GNA14: variants seen among roughly 807,000 people sequenced by gnomAD.
GNA14 encodes guanine nucleotide-binding protein subunit alpha-14.
In GNA14, 50 loss-of-function variants were observed where a neutral mutation model predicts 42.0. That is an observed-to-expected ratio of 1.19 (90% CI 0.95 to 1.51). GNA14 has a LOEUF of 1.51. Among genes scored for constraint, GNA14 ranks in the 40% most tolerant of loss-of-function variants. GNA14 has a pLI of 0.00. For missense variants in GNA14, 473 were observed against 446.2 expected, an observed-to-expected ratio of 1.06 and a Z score of -0.54; for synonymous variants, 173 against 163.1, an observed-to-expected ratio of 1.06 and a Z score of -0.46.
chr9:77,435,345 A>T (rs911801174), intron 2 of GNA14, among the ~76,000 whole-genome samples: 5 of 152,014 alleles, frequency 3.3e-5, no homozygotes, highest in Admixed American at 3.3e-4. Context: ...TGACAGAGCG[A>T]GACTCTGTCT....
At chr9:77,611,542 G>A (rs1823731454) in intron 1 of GNA14, among the ~76,000 whole-genome samples, 1 of 152,262 alleles carries the variant, frequency 6.6e-6, no homozygotes. Flanking sequence ...AGCCTCACTT[G>A]CAAGACACAA....
chr9:77,429,295 G>A lies in GNA14; in HGVS notation c.594-259C>T, dbSNP rs962190106. Among the ~76,000 whole-genome samples the A allele has an allele frequency of 9.2e-5, 14 of 152,234 alleles. No individual in the cohort carries two copies. In the East Asian group the frequency reaches 2.5e-3, roughly 27 times the overall value. On this transcript the variant is annotated intron_variant, in intron 4 of 6. Coordinates refer to ENST00000341700, the MANE Select transcript of GNA14 (RefSeq NM_004297.4). ...CAGAGGTGACTCAGGGAGCCTGCCG[G>A]TTAGGAAGCTAACCAGTGTCCAGAC...
intron 1 of GNA14, among the ~76,000 whole-genome samples, chr9:77,569,638 G>A (rs920775431): frequency 2.6e-5 from 4 of 152,200 alleles, no homozygotes; most frequent in African/African-American, 9.7e-5. Flanking sequence ...AAGAGCCCAG[G>A]CTATGTGGGG....
At chr9:77,646,498 G>C (rs1167330780) in intron 1 of GNA14, among the ~76,000 whole-genome samples, 1 of 152,070 alleles carries the variant, frequency 6.6e-6, no homozygotes, top group Non-Finnish European at 1.5e-5. Flanking sequence ...AAGGATAAGG[G>C]GGTTCTTCCG....
At chr9:77,634,336 T>C (rs1824144337) in intron 1 of GNA14, among the ~76,000 whole-genome samples, 1 of 149,452 alleles carries the variant, frequency 6.7e-6, no homozygotes, top group Non-Finnish European at 1.5e-5. Flanking sequence ...GAGGATCCCT[T>C]GAACCCAGAA....
intron 2 of GNA14, among the ~76,000 whole-genome samples, chr9:77,436,370 T>A (rs1298287611): frequency 6.6e-6 from 1 of 152,180 alleles, no homozygotes; most frequent in Non-Finnish European, 1.5e-5. Flanking sequence ...TTTCCAGGGG[T>A]ACCTGAATTA....
intron 1 of GNA14, among the ~76,000 whole-genome samples, chr9:77,636,279 A>G (rs1298749235): frequency 6.6e-6 from 1 of 152,224 alleles, no homozygotes; most frequent in Non-Finnish European, 1.5e-5. Flanking sequence ...ATAATAACTG[A>G]CAACTGATCA....
intron 1 of GNA14, among the ~76,000 whole-genome samples, chr9:77,613,177 C>T (rs1391841019): frequency 6.6e-6 from 1 of 152,166 alleles, no homozygotes; most frequent in Admixed American, 6.6e-5. Flanking sequence ...ACCTATTTAC[C>T]TCCTAAAGGC....
At chr9:77,627,655 C>T (rs1354628559) in intron 1 of GNA14, among the ~76,000 whole-genome samples, 1 of 152,160 alleles carries the variant, frequency 6.6e-6, no homozygotes, top group Non-Finnish European at 1.5e-5. Context: ...ACGATTATCT[C>T]AATAGATGCA....
intron 1 of GNA14, among the ~76,000 whole-genome samples, chr9:77,593,753 C>T (rs1001375638): frequency 7.2e-5 from 11 of 152,328 alleles, no homozygotes; most frequent in African/African-American, 2.2e-4. Context: ...GAATCACCAT[C>T]GCTGTCTTTC....
In GNA14 at chr9:77,519,672, G is replaced by C. The variant is rs771258419; in HGVS notation, c.309+9397C>G. Among the ~76,000 whole-genome samples, 4 of 152,066 alleles carry C rather than the reference G, an allele frequency of 2.6e-5. No homozygotes were observed. The East Asian group carries it at 5.8e-4, about 22-fold the overall frequency. ...TAGGGTGGGAGGTGGTGAGGGAGGAGAGATTACTTAATGGGTACAATGTAC... is the reference window on the plus strand; with the variant it reads ...TAGGGTGGGAGGTGGTGAGGGAGGACAGATTACTTAATGGGTACAATGTAC... On this transcript the variant is annotated intron_variant, in intron 2 of 6. Transcript: ENST00000341700.
chr9:77,507,437 GAACA>G (rs1837090043), intron 2 of GNA14, among the ~76,000 whole-genome samples: 1 of 152,084 alleles, frequency 6.6e-6, no homozygotes, highest in Non-Finnish European at 1.5e-5. Flanking sequence ...TCATTTTTAA[GAACA>G]AACATGTAGA....
rs13286378 is a variant in GNA14, at chr9:77,520,071, T to G, written c.309+8998A>C. On this transcript the variant is annotated intron_variant, in intron 2 of 6. Transcript: ENST00000341700. Reference sequence around the variant, plus strand: ...ACCACTATGCAACATAGCCATGCAATAAAACTGCATTTTCACCCCTTAAAT... The same window carrying G: ...ACCACTATGCAACATAGCCATGCAAGAAAACTGCATTTTCACCCCTTAAAT... Among the ~76,000 whole-genome samples the G allele has an allele frequency of 5.7e-3, 875 of 152,254 alleles. 3 individuals are homozygous for G. The highest frequency in any genetic ancestry group is 9.5e-3 in the Non-Finnish European group (644 of 68,002).
chr9:77,530,238 C>A (rs926034337), intron 1 of GNA14, among the ~76,000 whole-genome samples: 1 of 152,160 alleles, frequency 6.6e-6, no homozygotes, highest in East Asian at 1.9e-4. Flanking sequence ...AGCACCCTCA[C>A]CTTGGTGCTG....
At chr9:77,521,319 T>C (rs1016151381) in intron 2 of GNA14, among the ~76,000 whole-genome samples, 1 of 152,318 alleles carries the variant, frequency 6.6e-6, no homozygotes, top group South Asian at 2.1e-4. Context: ...GTTGGAACAT[T>C]GGCCTCTGTG....
At position 77,424,135 on chromosome 9, in the gene GNA14, A is replaced by G; in HGVS notation, c.912T>C (p.Phe304=). The stretch of plus-strand genomic sequence containing the variant: ...TCTGATCTTGGTAAAGCTTCAGGAT[A>G]AAGTCTCTGGCAGCTCTGACATCCT... ...PKQDVRAARD[F]ILKLYQDQNP... is the part of the protein sequence containing the mutation. Residue 304 remains phenylalanine, a synonymous_variant, in exon 7 of 7, where the codon TTT becomes TTC. Transcript: ENST00000341700. 1 of 1,612,526 alleles carries G rather than the reference A, an allele frequency of 6.2e-7. No homozygotes were observed. The highest frequency in any genetic ancestry group is 8.5e-7 in the Non-Finnish European group (1 of 1,179,188).
chr9:77,483,547 G>A (rs768308112), intron 2 of GNA14, among the ~76,000 whole-genome samples: 2 of 152,132 alleles, frequency 1.3e-5, no homozygotes, highest in Admixed American at 1.3e-4. Context: ...CAGTCTGCCC[G>A]TTCTCAGATC....
intron 1 of GNA14, among the ~76,000 whole-genome samples, chr9:77,636,865 A>G (rs1824191485): frequency 6.6e-6 from 1 of 152,190 alleles, no homozygotes. Flanking sequence ...GCACAAGCCA[A>G]TGTTCCATGG....
chr9:77,562,418 G>T (rs1365372692), intron 1 of GNA14, among the ~76,000 whole-genome samples: 2 of 152,150 alleles, frequency 1.3e-5, no homozygotes, highest in East Asian at 3.9e-4. Context: ...TATGGGGCAG[G>T]AAAGGGACAT....
Sources: gnomAD v4.1 joint callset for allele counts (sites outside exome capture counted in the v4.1 genomes callset) on GRCh38, gnomAD v4.1.1 for gene constraint, MANE v1.5 for transcripts, NCBI Gene and HGNC (gene_info 2026-07-23, HGNC 2026-07-21) for gene names.